The following TMEM45B variants were observed in gnomAD, a reference collection of about 807,000 sequenced individuals.
TMEM45B encodes the protein transmembrane protein 45B.
TMEM45B carries 29 observed loss-of-function variants against 27.3 expected under a neutral mutation model. The ratio of observed to expected loss-of-function variants is 1.06; its 90% confidence interval spans 0.79 to 1.45. TMEM45B has a LOEUF of 1.45. TMEM45B is among the 40% of genes most tolerant of loss of function. The pLI is 0.00. For synonymous variants in TMEM45B, 143 were observed against 134.7 expected, an observed-to-expected ratio of 1.06 and a Z score of -0.43; for missense variants, 348 against 343.9, an observed-to-expected ratio of 1.01 and a Z score of -0.09.
chr11:129,849,932 A>C (rs691472), intron 1 of TMEM45B, among the ~76,000 whole-genome samples: 151,598 of 152,186 alleles, frequency 1, 75,506 homozygotes, highest in Middle Eastern at 1. Context: ...TTCCGAAATG[A>C]CTTTGGGGTC....
At chr11:129,833,891 G>A (rs1347554940) in intron 1 of TMEM45B, among the ~76,000 whole-genome samples, 4 of 152,220 alleles carry the variant, frequency 2.6e-5, no homozygotes, top group Non-Finnish European at 4.4e-5. Context: ...AACCCATTCT[G>A]CCAATGCATT....
intron 1 of TMEM45B, among the ~76,000 whole-genome samples, chr11:129,830,591 G>A (rs1947536146): frequency 6.6e-6 from 1 of 152,150 alleles, no homozygotes; most frequent in Non-Finnish European, 1.5e-5. Context: ...TATCTGATAA[G>A]AAACCTATAT....
Position 129,857,390 on chromosome 11 carries a change from C to A in TMEM45B, c.648C>A (p.Thr216=). 6.2e-7 allele frequency: 1 copy of A among 1,614,200 alleles called. No individual in the cohort carries two copies. Among genetic ancestry groups the A allele is most frequent in the East Asian group, 2.2e-5 (1 of 44,872 alleles). ...QKDDANLMFI[T]MCFCWHYLAA... is the part of the protein sequence containing the mutation. ...ATGATGCCAACCTCATGTTCATCAC[C>A]ATGTGCTTCTGCTGGCACTACCTGG... Residue 216 remains threonine, a synonymous_variant, in exon 5 of 6, where the codon ACC becomes ACA. Coordinates refer to ENST00000281441, the MANE Select transcript of TMEM45B (RefSeq NM_138788.5).
At chr11:129,823,810 C>A (rs538212727) in intron 1 of TMEM45B, among the ~76,000 whole-genome samples, 1 of 152,290 alleles carries the variant, frequency 6.6e-6, no homozygotes, top group East Asian at 1.9e-4. Flanking sequence ...ACCAACCACC[C>A]TGCATCGAGT....
At chr11:129,854,894 G>C in intron 3 of TMEM45B, 78 bp downstream of exon 3, 3 of 1,528,850 alleles carry the variant, frequency 2.0e-6, no homozygotes, top group Non-Finnish European at 2.7e-6. Flanking sequence ...CAAAATATCA[G>C]AAATGTTGCA....
intron 2 of TMEM45B, 152 bp downstream of exon 2, chr11:129,852,812 T>A: frequency 1.3e-6 from 1 of 759,992 alleles, no homozygotes. Context: ...TATCGTAACA[T>A]CCATTGTGTA....
intron 2 of TMEM45B, among the ~76,000 whole-genome samples, chr11:129,854,088 G>T: frequency 6.6e-6 from 1 of 152,150 alleles, no homozygotes; most frequent in East Asian, 1.9e-4. Flanking sequence ...GCCCAGGAAG[G>T]ACACGCACTC....
intron 1 of TMEM45B, among the ~76,000 whole-genome samples, chr11:129,845,870 G>A (rs535513835): frequency 6.6e-6 from 1 of 152,130 alleles, no homozygotes; most frequent in Non-Finnish European, 1.5e-5. Flanking sequence ...ACAAGGAAAA[G>A]CCTCTTCTGG....
At chr11:129,831,717 C>T (rs1211746656) in intron 1 of TMEM45B, among the ~76,000 whole-genome samples, 1 of 152,142 alleles carries the variant, frequency 6.6e-6, no homozygotes, top group Non-Finnish European at 1.5e-5. Context: ...CATCTACTAA[C>T]AAGTGAATAA....
chr11:129,851,850 C>A (rs1947850706), intron 1 of TMEM45B, among the ~76,000 whole-genome samples: 1 of 152,168 alleles, frequency 6.6e-6, no homozygotes, highest in African/African-American at 2.4e-5. Context: ...TGACCAGGTT[C>A]ATTTGTACTA....
intron 1 of TMEM45B, among the ~76,000 whole-genome samples, chr11:129,823,257 G>A (rs1947442045): frequency 6.6e-6 from 1 of 152,118 alleles, no homozygotes; most frequent in South Asian, 2.1e-4. Context: ...ATCAAAACTT[G>A]GAGCAGATTC....
intron 4 of TMEM45B, 98 bp from the exon 5 acceptor site, chr11:129,857,215 T>C: frequency 2.1e-6 from 3 of 1,396,906 alleles, no homozygotes; most frequent in Non-Finnish European, 3.0e-6. Context: ...TATGAGGCGG[T>C]GGTCACACAT....
intron 1 of TMEM45B, among the ~76,000 whole-genome samples, chr11:129,840,386 T>C (rs1477296824): frequency 6.6e-6 from 1 of 152,218 alleles, no homozygotes; most frequent in Non-Finnish European, 1.5e-5. Flanking sequence ...TGCCTTTATT[T>C]CAGGTACTGC....
chr11:129,847,407 A>ATTTTTTTTTTAT (rs5795680), intron 1 of TMEM45B, among the ~76,000 whole-genome samples: 26 of 67,932 alleles, frequency 3.8e-4, no homozygotes, highest in South Asian at 1.7e-3. Context: ...TTATGAAGTT[A>ATTTTTTTTTTAT]TTTTTTTTTA....
chr11:129,836,513 A>C (rs1009038367), intron 1 of TMEM45B, among the ~76,000 whole-genome samples: 3 of 152,140 alleles, frequency 2.0e-5, no homozygotes, highest in African/African-American at 7.2e-5. Flanking sequence ...TCCAAATTCA[A>C]ATGTTGAAGT....
intron 1 of TMEM45B, among the ~76,000 whole-genome samples, chr11:129,844,981 G>A (rs976193118): frequency 2.0e-5 from 3 of 152,096 alleles, no homozygotes; most frequent in African/African-American, 7.2e-5. Flanking sequence ...AAAATGGACA[G>A]AAAGAAATGA....
chr11:129,837,299 G>T (rs956314905), intron 1 of TMEM45B, among the ~76,000 whole-genome samples: 2 of 150,914 alleles, frequency 1.3e-5, no homozygotes, highest in East Asian at 3.9e-4. Context: ...TCTTTTTTTT[G>T]TTTTGAGACG....
intron 1 of TMEM45B, among the ~76,000 whole-genome samples, chr11:129,826,864 T>A (rs970361691): frequency 6.6e-6 from 1 of 151,846 alleles, no homozygotes; most frequent in Non-Finnish European, 1.5e-5. Context: ...CCCACCACCA[T>A]GCCCGGCTAA....
intron 1 of TMEM45B, among the ~76,000 whole-genome samples, chr11:129,823,590 G>A (rs1947446592): frequency 6.6e-6 from 1 of 152,086 alleles, no homozygotes; most frequent in African/African-American, 2.4e-5. Flanking sequence ...CTTCCTACCT[G>A]TCCCCTTGCT....
Sources: allele counts gnomAD v4.1 joint callset (sites outside exome capture counted in the v4.1 genomes callset), GRCh38; gene constraint gnomAD v4.1.1; transcripts MANE v1.5; gene names NCBI Gene and HGNC (gene_info 2026-07-23, HGNC 2026-07-21).